The following TMLHE variants were observed in gnomAD, a reference collection of about 807,000 sequenced individuals.
TMLHE encodes trimethyllysine dioxygenase, mitochondrial.
Under a neutral mutation model 25.7 loss-of-function variants are expected in TMLHE, and 18 were observed. The ratio of observed to expected loss-of-function variants is 0.70; its 90% CI spans 0.48 to 1.04. TMLHE has a LOEUF of 1.04. Ranked by LOEUF, TMLHE falls within the 50% of genes least tolerant of loss-of-function variation. The pLI is 0.00. For missense variants in TMLHE, 236 were observed against 259.0 expected (o/e 0.91, Z 0.61); for synonymous variants, 105 against 97.0 (o/e 1.08, Z -0.49).
At chrX:155,579,518 T>G (rs1434390794) in intron 1 of TMLHE, among the ~76,000 whole-genome samples, 3 of 112,063 alleles carry the variant, frequency 2.7e-5, no homozygotes, top group African/African-American at 9.7e-5. Flanking sequence ...CCCTTTATTT[T>G]TCTTTTTCAA....
chrX:155,560,036 T>C (rs184585551), intron 1 of TMLHE, among the ~76,000 whole-genome samples: 1 of 112,585 alleles, frequency 8.9e-6, no homozygotes, highest in Non-Finnish European at 1.9e-5. Context: ...ACTTAAAACA[T>C]GTATGACAAT....
At chrX:155,592,395 G>A (rs1263929737) in intron 1 of TMLHE, among the ~76,000 whole-genome samples, 1 of 111,964 alleles carries the variant, frequency 8.9e-6, no homozygotes, top group Non-Finnish European at 1.9e-5. Flanking sequence ...ACATCTTTGT[G>A]AAAACCCCAA....
At chrX:155,557,366 G>A (rs1557341046) in intron 1 of TMLHE, among the ~76,000 whole-genome samples, 2 of 112,024 alleles carry the variant, frequency 1.8e-5, no homozygotes, top group East Asian at 2.8e-4. Context: ...GGCTTCAGCC[G>A]GTCCCTCCGT....
At chrX:155,587,352 A>G (rs191336371) in intron 1 of TMLHE, among the ~76,000 whole-genome samples, 1 of 111,974 alleles carries the variant, frequency 8.9e-6, no homozygotes, top group African/African-American at 3.2e-5. Flanking sequence ...ACTAGTATAG[A>G]AGGAATATAC....
At chrX:155,581,978 A>G (rs2067631947) in intron 1 of TMLHE, among the ~76,000 whole-genome samples, 1 of 111,982 alleles carries the variant, frequency 8.9e-6, no homozygotes, top group African/African-American at 3.3e-5. Flanking sequence ...AAACAGAGAT[A>G]TAGACCAAGG....
chrX:155,596,251 C>G (rs1163232910), intron 1 of TMLHE, among the ~76,000 whole-genome samples: 1 of 112,038 alleles, frequency 8.9e-6, no homozygotes, highest in African/African-American at 3.2e-5. Context: ...CAACAAGAAA[C>G]CTTTTTCTGG....
chrX:155,543,196 GC>G (rs1289356746), intron 2 of TMLHE, among the ~76,000 whole-genome samples: 4 of 110,745 alleles, frequency 3.6e-5, no homozygotes, highest in Non-Finnish European at 7.6e-5. Flanking sequence ...GGAAGTCGTA[GC>G]CAGAGTAATT....
Position 155,507,664 on chromosome X carries a change from GGAGA to G in TMLHE, c.759-534_759-531del, listed in dbSNP as rs782121514. ...GAGATGAGGAGAAGGCATTCTAGGCGGAGAGAAAGCATGACCAAAGATACCAATG... is the reference window on the plus strand; with the variant it reads ...GAGATGAGGAGAAGGCATTCTAGGCGGAAAGCATGACCAAAGATACCAATG... On this transcript the variant is annotated intron_variant, in intron 5 of 7. Coordinates refer to ENST00000334398, the MANE Select transcript of TMLHE (RefSeq NM_018196.4). Among the ~76,000 whole-genome samples, 6 of 110,077 alleles carry G rather than the reference GGAGA, an allele frequency of 5.5e-5. No individual in the cohort carries two copies. In the Admixed American group the frequency reaches 5.9e-4, roughly 11 times the overall value.
intron 6 of TMLHE, among the ~76,000 whole-genome samples, chrX:155,506,650 T>A (rs956152098): frequency 1.8e-5 from 2 of 111,252 alleles, no homozygotes; most frequent in Non-Finnish European, 3.8e-5. Context: ...TTTAATAATG[T>A]TTTCATTTAA....
chrX:155,580,685 C>T (rs2067620834), intron 1 of TMLHE, among the ~76,000 whole-genome samples: 1 of 111,671 alleles, frequency 9.0e-6, no homozygotes, highest in African/African-American at 3.3e-5. Context: ...AAAGACACAT[C>T]TCATGTGGCA....
chrX:155,491,884 G>T (rs1320440826), intron 7 of TMLHE, among the ~76,000 whole-genome samples: 1 of 23,005 alleles, frequency 4.3e-5, no homozygotes, highest in Non-Finnish European at 9.5e-5. Flanking sequence ...AGTTACAGAG[G>T]CAACAGTAGG....
At chrX:155,607,606 A>C (rs1432241151) in intron 1 of TMLHE, among the ~76,000 whole-genome samples, 1 of 111,739 alleles carries the variant, frequency 8.9e-6, no homozygotes, top group African/African-American at 3.3e-5. Context: ...ATAGGAAGAA[A>C]GGAAGTCAAA....
chrX:155,561,032 G>C (rs1179432461), intron 1 of TMLHE, among the ~76,000 whole-genome samples: 1 of 61,282 alleles, frequency 1.6e-5, no homozygotes, highest in African/African-American at 3.6e-5. Flanking sequence ...TAAGGCAGTA[G>C]CAGTGAAAGT....
rs186415957 is a variant in TMLHE at position 155,581,790 on chromosome X, C to T, written c.-2+31002G>A. On this transcript the variant is annotated intron_variant, in intron 1 of 7. Coordinates refer to ENST00000334398, the MANE Select transcript of TMLHE (RefSeq NM_018196.4). ...TTCAATGCCATCCCCATCAAGCTAC[C>T]AATGACTTTCTTCACAGAAATTGAA... Among the ~76,000 whole-genome samples the T allele has an allele frequency of 8.7e-4, 97 of 112,051 alleles. 1 individual carries two copies. Among genetic ancestry groups the T allele is most frequent in the African/African-American group, 3.0e-3 (92 of 30,840 alleles).
intron 1 of TMLHE, among the ~76,000 whole-genome samples, chrX:155,599,748 A>G (rs1557347016): frequency 1.8e-5 from 2 of 111,416 alleles, no homozygotes; most frequent in Non-Finnish European, 3.8e-5. Context: ...TTTATCTAGT[A>G]GAGTTGAGGA....
chrX:155,522,588 A>C (rs1557335912), intron 3 of TMLHE, among the ~76,000 whole-genome samples: 1 of 111,899 alleles, frequency 8.9e-6, no homozygotes, highest in African/African-American at 3.2e-5. Flanking sequence ...GGACACCAAT[A>C]ATCTGTTCTC....
At chrX:155,584,705 A>G (rs2067653449) in intron 1 of TMLHE, among the ~76,000 whole-genome samples, 1 of 110,747 alleles carries the variant, frequency 9.0e-6, no homozygotes, top group African/African-American at 3.3e-5. Context: ...AAAGAATGAG[A>G]TGATGTATTC....
chrX:155,506,933 AT>A lies in TMLHE; in HGVS notation c.959del (p.Asn320IlefsTer11). ...NHMIGIGPVL[N>X]IYPWNKELYL... is the part of the protein sequence containing the mutation. ...ACAGCTCTTTATTCCATGGGTAGATATTTAAGACTGGCCCAATCCCAATCAT... is the reference window on the plus strand; with the variant it reads ...ACAGCTCTTTATTCCATGGGTAGATATTAAGACTGGCCCAATCCCAATCAT... On this transcript the variant is annotated frameshift_variant, in exon 6 of 8. Transcript: ENST00000334398. LOFTEE classifies it high-confidence loss of function. 1 of 1,209,785 alleles carries A rather than the reference AT, an allele frequency of 8.3e-7. No individual in the cohort carries two copies. The highest frequency in any genetic ancestry group is 1.1e-6 in the Non-Finnish European group (1 of 894,143).
At chrX:155,607,578 GA>G (rs1299229687) in intron 1 of TMLHE, among the ~76,000 whole-genome samples, 3 of 109,810 alleles carry the variant, frequency 2.7e-5, no homozygotes, top group African/African-American at 1.0e-4. Flanking sequence ...GCAAAAGAAA[GA>G]AAAAAAAGGC....
Sources: gnomAD v4.1 joint callset for allele counts (sites outside exome capture counted in the v4.1 genomes callset) on GRCh38, gnomAD v4.1.1 for gene constraint, MANE v1.5 for transcripts, NCBI Gene and HGNC (gene_info 2026-07-23, HGNC 2026-07-21) for gene names.